The following SVIL variants were observed in gnomAD, a reference collection of about 807,000 sequenced individuals.
SVIL encodes the protein archvillin.
A neutral mutation model predicts 240.4 loss-of-function variants in SVIL; 101 were observed. The observed-to-expected ratio is 0.42, with a 90% CI of 0.36 to 0.50. SVIL has a LOEUF of 0.50. Among genes scored for constraint, SVIL ranks in the 20% least tolerant of loss-of-function variants. The probability of loss-of-function intolerance (pLI) is 0.01; values close to 1 mark genes in which losing one functional copy is unlikely to be tolerated. For missense variants in SVIL, 2,512 were observed against 2,818.7 expected, an observed-to-expected ratio of 0.89 and a Z score of 2.46; for synonymous variants, 999 against 1,100.0, an observed-to-expected ratio of 0.91 and a Z score of 1.82.
intron 1 of SVIL, among the ~76,000 whole-genome samples, chr10:29,579,849 C>A (rs1236861191): frequency 6.6e-6 from 1 of 152,084 alleles, no homozygotes; most frequent in African/African-American, 2.4e-5. Context: ...CAGGGCCGAA[C>A]AGGATGGTGC....
chr10:29,683,995 T>C (rs1022632136), intron 2 of SVIL, among the ~76,000 whole-genome samples: 1 of 152,202 alleles, frequency 6.6e-6, no homozygotes, highest in Non-Finnish European at 1.5e-5. Flanking sequence ...AGTGCCATAA[T>C]TGAGTTGAAC....
chr10:29,588,394 C>T (rs1477525010), intron 1 of SVIL, among the ~76,000 whole-genome samples: 8 of 151,738 alleles, frequency 5.3e-5, no homozygotes, highest in East Asian at 1.9e-4. Flanking sequence ...ACTCTCTTCA[C>T]GTTAAGACAC....
At chr10:29,490,634 C>T (rs1334161123) in intron 22 of SVIL, among the ~76,000 whole-genome samples, 1 of 150,234 alleles carries the variant, frequency 6.7e-6, no homozygotes, top group Non-Finnish European at 1.5e-5. Flanking sequence ...AATTAACTAA[C>T]TGAACAGGTG....
chr10:29,714,948 T>TAAA (rs61107910), intron 1 of SVIL, among the ~76,000 whole-genome samples: 133 of 78,210 alleles, frequency 1.7e-3, no homozygotes, highest in African/African-American at 2.2e-3. Context: ...TGTCTGAAAT[T>TAAA]AAAAAAAAAA....
In SVIL at chr10:29,622,249, C is replaced by CAAAA. The variant is rs71020801; in HGVS notation, c.-201+12167_-201+12170dup. On this transcript the variant is annotated intron_variant, in intron 1 of 37. Coordinates refer to ENST00000355867, the MANE Select transcript of SVIL (RefSeq NM_021738.3). ...TGGGCGACAGAGTGAGACTCCGTCT[C>CAAAA]AAAAAAAAAAAAAAAAAAAAAAAAA... Among the ~76,000 whole-genome samples, 34 of 51,600 alleles carry CAAAA rather than the reference C, an allele frequency of 6.6e-4. 2 individuals are homozygous for CAAAA. Among genetic ancestry groups the CAAAA allele is most frequent in the Non-Finnish European group, 8.4e-4 (27 of 32,290 alleles). 33.9% of individuals were successfully genotyped at this position (51,600 alleles called of 152,430 possible). A position where few individuals can be genotyped will look rare whatever the true frequency, so the allele number is the denominator to read the frequency against.
At chr10:29,693,961 A>G (rs1961719600) in intron 1 of SVIL, among the ~76,000 whole-genome samples, 1 of 151,698 alleles carries the variant, frequency 6.6e-6, no homozygotes, top group Admixed American at 6.6e-5. Context: ...ACATACATAC[A>G]TAGATACATA....
At chr10:29,493,120 A>G (rs753487711) in intron 21 of SVIL, 94 bp downstream of exon 21, 24 of 1,379,744 alleles carry the variant, frequency 1.7e-5, no homozygotes, top group Non-Finnish European at 2.3e-5. Flanking sequence ...AAGGAGAAGG[A>G]GGCCACACTG....
chr10:29,557,416 G>A (rs1212302244), intron 3 of SVIL, among the ~76,000 whole-genome samples: 1 of 151,528 alleles, frequency 6.6e-6, no homozygotes, highest in Admixed American at 6.6e-5. Flanking sequence ...CCCTTTTCTT[G>A]CCCCACATTA....
intron 18 of SVIL, 85 bp downstream of exon 18, chr10:29,499,031 A>C: frequency 6.6e-7 from 1 of 1,515,960 alleles, no homozygotes; most frequent in Non-Finnish European, 8.9e-7. Context: ...TTGAGCTATC[A>C]CGTACCACCA....
rs190207455 is a variant in SVIL at position 29,690,781 on chromosome 10, C to T, written c.-399-4130G>A. Among the ~76,000 whole-genome samples the T allele has an allele frequency of 7.2e-5, 11 of 152,246 alleles. No homozygotes were observed. The East Asian group carries it at 2.1e-3, about 29-fold the overall frequency. ...CATTCGAACACAACCCATGAGAACA[C>T]CTGCATATGGTTGTTAATCATTGCT... On this transcript the variant is annotated intron_variant, in intron 1 of 35. Transcript: ENST00000375400.
rs1946724116 is a variant in SVIL at position 29,480,577 on chromosome 10, AT to A, written c.5336del (p.Asp1779ValfsTer11). ...KQSIGQFHEG[D>X]AYVVKWKFMV... ...TGAACTTCCACTTGACCACATAGGC[AT>A]CCCCCTCATGGAACTGCCCGATGCT... On this transcript the variant is annotated frameshift_variant, in exon 29 of 38. Coordinates refer to ENST00000355867, the MANE Select transcript of SVIL (RefSeq NM_021738.3). LOFTEE classifies it high-confidence loss of function. 1.2e-6 allele frequency: 2 copies of A among 1,613,736 alleles called. No homozygotes were observed. Among genetic ancestry groups the A allele is most frequent in the Admixed American group, 3.3e-5 (2 of 60,000 alleles).
intron 17 of SVIL, 86 bp downstream of exon 17, chr10:29,512,649 G>T: frequency 2.5e-6 from 4 of 1,606,400 alleles, no homozygotes; most frequent in East Asian, 4.5e-5. Flanking sequence ...CACAGAGTAG[G>T]AATTAGGTGG....
chr10:29,462,138 G>C, intron 36 of SVIL, 139 bp downstream of exon 36: 1 of 1,120,960 alleles, frequency 8.9e-7, no homozygotes, highest in Non-Finnish European at 1.3e-6. Context: ...CAAATTCTAT[G>C]TAGGTTTGTT....
At chr10:29,577,509 T>C (rs1955754211) in intron 1 of SVIL, among the ~76,000 whole-genome samples, 1 of 152,198 alleles carries the variant, frequency 6.6e-6, no homozygotes. Context: ...CAACAGACAT[T>C]ATCTCATTCT....
chr10:29,732,327 C>G (rs919781452), intron 1 of SVIL, among the ~76,000 whole-genome samples: 2 of 151,884 alleles, frequency 1.3e-5, no homozygotes, highest in Non-Finnish European at 2.9e-5. Flanking sequence ...AAGAGCAAAA[C>G]CCAAATCAAG....
intron 17 of SVIL, among the ~76,000 whole-genome samples, chr10:29,506,765 GCCCTA>G (rs1949367491): frequency 1.3e-5 from 2 of 149,396 alleles, no homozygotes; most frequent in Non-Finnish European, 3.0e-5. Context: ...GGGGACAGAG[GCCCTA>G]GAGGGAAAGG....
intron 17 of SVIL, among the ~76,000 whole-genome samples, chr10:29,502,422 T>C (rs1948966854): frequency 6.6e-6 from 1 of 152,234 alleles, no homozygotes; most frequent in South Asian, 2.1e-4. Context: ...TTTTTCCTTC[T>C]AAATTTTTCT....
Position 29,550,879 on chromosome 10 carries a change from G to A in SVIL, c.545C>T (p.Ser182Phe). The A allele has an allele frequency of 6.2e-7, 1 of 1,614,028 alleles. No individual in the cohort carries two copies. Among genetic ancestry groups the A allele is most frequent in the Non-Finnish European group, 8.5e-7 (1 of 1,180,002 alleles). The change falls in exon 6 of 38, where the codon TCC becomes TTC. Residue 182 changes from serine (S) to phenylalanine (F), a missense_variant. Ser to Phe is a radical substitution (Grantham distance 155, BLOSUM62 -2). Transcript: ENST00000355867. ...ACCCACATGGAGGGCATAGTCCTTG[G>A]ATTCACCGGCACAGGTCCTGAGCCC... The part of the protein sequence containing the change: ...TMGLRTCAGE[S>F]KDYALHVGDG...
At position 29,647,915 on chromosome 10, in the gene SVIL, T is replaced by C. The variant is rs537965429; in HGVS notation, c.-201+10054A>G. Among the ~76,000 whole-genome samples, 3 of 149,830 alleles carry C rather than the reference T, an allele frequency of 2.0e-5. No individual in the cohort carries two copies. In the South Asian group the frequency reaches 6.3e-4, roughly 31 times the overall value. On this transcript the variant is annotated intron_variant, in intron 3 of 35. Coordinates refer to the SVIL transcript ENST00000375400. ...TTTTAAAACCCCCTACATTTTTTAC[T>C]TAAAAAGTCAAATTAGTGGCATTTT... is the stretch of plus-strand genomic sequence containing the variant.
Sources: gnomAD v4.1 joint callset for allele counts (sites outside exome capture counted in the v4.1 genomes callset) on GRCh38, gnomAD v4.1.1 for gene constraint, MANE v1.5 for transcripts, NCBI Gene and HGNC (gene_info 2026-07-23, HGNC 2026-07-21) for gene names.